SH3KBP1: variants seen among roughly 807,000 people sequenced by gnomAD.
SH3KBP1 encodes the protein SH3 domain-containing kinase-binding protein 1.
A neutral mutation model predicts 50.1 loss-of-function variants in SH3KBP1; 8 were observed. That is an observed-to-expected ratio of 0.16 (90% confidence interval 0.09 to 0.29). The LOEUF is 0.29. SH3KBP1 is among the 10% of genes least tolerant of loss of function. The pLI is 1.00. For missense variants in SH3KBP1, 377 were observed against 535.2 expected, an observed-to-expected ratio of 0.70 and a Z score of 2.92; for synonymous variants, 227 against 218.6, an observed-to-expected ratio of 1.04 and a Z score of -0.34.
rs189229786 is a variant in SH3KBP1 at position 19,714,550 on chromosome X, C to A, written c.287-7566G>T. Among the ~76,000 whole-genome samples, 34 of 110,771 alleles carry A rather than the reference C, an allele frequency of 3.1e-4. No individual in the cohort carries two copies. In the East Asian group the frequency reaches 8.8e-3, roughly 29 times the overall value. On this transcript the variant is annotated intron_variant, in intron 3 of 17. Transcript: ENST00000397821. ...AAATGTGGTATAGATACCTAATAGACTACTACTCAGCCATAAAAAAGAACG... is the reference window on the plus strand; with the variant it reads ...AAATGTGGTATAGATACCTAATAGAATACTACTCAGCCATAAAAAAGAACG...
chrX:19,882,597 G>A (rs768090912), intron 1 of SH3KBP1, among the ~76,000 whole-genome samples: 10 of 112,059 alleles, frequency 8.9e-5, no homozygotes, highest in African/African-American at 2.9e-4. Flanking sequence ...TGCTGACTTC[G>A]TGATTGTCGC....
At chrX:19,777,305 A>G in intron 2 of SH3KBP1, among the ~76,000 whole-genome samples, 1 of 110,885 alleles carries the variant, frequency 9.0e-6, no homozygotes, top group South Asian at 3.9e-4. Flanking sequence ...CCTGCCCTAA[A>G]TACAGGGGAA....
intron 3 of SH3KBP1, among the ~76,000 whole-genome samples, chrX:19,718,366 T>C (rs1486458766): frequency 9.0e-6 from 1 of 111,364 alleles, no homozygotes. Context: ...CAAAAAAAGA[T>C]ACAAATGAAT....
chrX:19,812,262 AT>A (rs1181167092), intron 2 of SH3KBP1, among the ~76,000 whole-genome samples: 1 of 111,418 alleles, frequency 9.0e-6, no homozygotes, highest in Non-Finnish European at 1.9e-5. Context: ...CATACACCTC[AT>A]TCCACAAATA....
At chrX:19,797,462 G>A (rs2066750376) in intron 2 of SH3KBP1, among the ~76,000 whole-genome samples, 1 of 112,128 alleles carries the variant, frequency 8.9e-6, no homozygotes, top group Non-Finnish European at 1.9e-5. Flanking sequence ...GGCTGAAAAG[G>A]TAGGCAAAGC....
intron 9 of SH3KBP1, among the ~76,000 whole-genome samples, chrX:19,601,270 T>G (rs190246703): frequency 9.0e-6 from 1 of 111,636 alleles, no homozygotes; most frequent in East Asian, 2.8e-4. Flanking sequence ...CGTTCTGGAA[T>G]GAGAATGGCA....
intron 9 of SH3KBP1, among the ~76,000 whole-genome samples, chrX:19,602,100 T>G (rs1437766694): frequency 1.8e-5 from 2 of 110,812 alleles, no homozygotes; most frequent in African/African-American, 3.3e-5. Flanking sequence ...AGTGATGCCT[T>G]GATTCCATGC....
At chrX:19,573,151 A>G (rs2066097501) in intron 12 of SH3KBP1, among the ~76,000 whole-genome samples, 1 of 112,391 alleles carries the variant, frequency 8.9e-6, no homozygotes, top group South Asian at 3.7e-4. Flanking sequence ...GTATGATCAC[A>G]TCTACGGAAA....
intron 4 of SH3KBP1, among the ~76,000 whole-genome samples, chrX:19,697,837 C>T (rs917206778): frequency 3.6e-5 from 4 of 111,747 alleles, no homozygotes; most frequent in African/African-American, 9.8e-5. Context: ...ATAACCAGAA[C>T]GATAAGTTTA....
At chrX:19,851,340 C>T (rs1298819904) in intron 1 of SH3KBP1, among the ~76,000 whole-genome samples, 1 of 111,990 alleles carries the variant, frequency 8.9e-6, no homozygotes, top group Non-Finnish European at 1.9e-5. Flanking sequence ...TAAAATGCAA[C>T]ACACGAATCC....
chrX:19,728,881 G>C (rs956782391), intron 3 of SH3KBP1, among the ~76,000 whole-genome samples: 1 of 112,293 alleles, frequency 8.9e-6, no homozygotes, highest in Non-Finnish European at 1.9e-5. Context: ...ACCATGCCCA[G>C]CTGAAGACAT....
intron 2 of SH3KBP1, among the ~76,000 whole-genome samples, chrX:19,780,641 C>T (rs111636018): frequency 0.011 from 1,174 of 107,437 alleles, 15 homozygotes; most frequent in African/African-American, 0.038. Flanking sequence ...GGAAGGGATC[C>T]GGTTTCAGCT....
chrX:19,785,072 A>C (rs1242906134), intron 2 of SH3KBP1, among the ~76,000 whole-genome samples: 2 of 110,950 alleles, frequency 1.8e-5, no homozygotes, highest in Non-Finnish European at 3.8e-5. Context: ...CCCAGTGCCA[A>C]GCACAGTGCC....
At chrX:19,623,042 CAAAAAAAAAA>C (rs773914815) in intron 8 of SH3KBP1, among the ~76,000 whole-genome samples, 2 of 22,249 alleles carry the variant, frequency 9.0e-5, no homozygotes, top group Non-Finnish European at 1.8e-4. Context: ...CACTCTGACT[CAAAAAAAAAA>C]AAAAAAAAAA....
intron 1 of SH3KBP1, among the ~76,000 whole-genome samples, chrX:19,850,486 C>T (rs1488645853): frequency 9.0e-6 from 1 of 111,546 alleles, no homozygotes; most frequent in Non-Finnish European, 1.9e-5. Flanking sequence ...TACATATAAG[C>T]TACTTAAAAA....
intron 13 of SH3KBP1, among the ~76,000 whole-genome samples, chrX:19,568,856 T>C (rs1164625227): frequency 8.9e-6 from 1 of 112,856 alleles, no homozygotes; most frequent in Non-Finnish European, 1.9e-5. Context: ...TATTCATCAT[T>C]TCTTTTCATT....
Position 19,695,622 on chromosome X carries a change from T to G in SH3KBP1, c.510A>C (p.Leu170=), listed in dbSNP as rs773530894. Residue 170 remains leucine (L), a synonymous_variant, in exon 5 of 18, where the codon CTA becomes CTC. Transcript: ENST00000397821. The part of the protein sequence containing the change: ...DELGISQDEQ[L]SKSSLRETTG... Reference sequence around the variant, plus strand: ...GGTAGACTTCCTTACTTGACTTGGATAGCTGCTCATCCTGGGAAATGCCAA... The same window carrying G: ...GGTAGACTTCCTTACTTGACTTGGAGAGCTGCTCATCCTGGGAAATGCCAA... 1.7e-5 allele frequency: 21 copies of G among 1,206,810 alleles called. No homozygotes were observed. The African/African-American group carries it at 3.6e-4, about 20-fold the overall frequency.
At chrX:19,597,805 TA>T (rs1296509688) in intron 9 of SH3KBP1, among the ~76,000 whole-genome samples, 1 of 112,731 alleles carries the variant, frequency 8.9e-6, no homozygotes, top group Non-Finnish European at 1.9e-5. Flanking sequence ...TAGCCCCTAC[TA>T]AGAGAGTCAG....
At chrX:19,754,128 C>T (rs1036449338) in intron 2 of SH3KBP1, among the ~76,000 whole-genome samples, 1 of 112,070 alleles carries the variant, frequency 8.9e-6, no homozygotes, top group African/African-American at 3.3e-5. Flanking sequence ...GTATTATCTC[C>T]CAAGAATCAC....
Sources: gnomAD v4.1 joint callset for allele counts (sites outside exome capture counted in the v4.1 genomes callset) on GRCh38, gnomAD v4.1.1 for gene constraint, MANE v1.5 for transcripts, NCBI Gene and HGNC (gene_info 2026-07-23, HGNC 2026-07-21) for gene names.